COLEC11: variants seen among roughly 807,000 people sequenced by gnomAD.
COLEC11 encodes collectin-11.
COLEC11 carries 20 observed loss-of-function variants against 27.3 expected under a neutral mutation model. The ratio of observed to expected loss-of-function variants is 0.73; its 90% CI spans 0.51 to 1.06. The LOEUF (loss-of-function observed/expected upper bound fraction) is 1.06. Ranked by LOEUF, COLEC11 falls within the 50% of genes least tolerant of loss-of-function variation. COLEC11 has a pLI of 0.00. For synonymous variants in COLEC11, 163 were observed against 154.7 expected, an observed-to-expected ratio of 1.05 and a Z score of -0.40; for missense variants, 310 against 383.0, an observed-to-expected ratio of 0.81 and a Z score of 1.59.
At position 3,628,214 on chromosome 2, in the gene COLEC11, G is replaced by A. The variant is rs553383285; in HGVS notation, c.203-9319G>A. ...GGGTGATCCCAGTCTATGGCCAAGG[G>A]CCCCCCATCTGTGTCATCCTCCCTT... On this transcript the variant is annotated intron_variant, in intron 3 of 6. Coordinates refer to ENST00000349077, the MANE Select transcript of COLEC11 (RefSeq NM_024027.5). Among the ~76,000 whole-genome samples the A allele has an allele frequency of 2.4e-3, 360 of 147,980 alleles. 1 individual carries two copies. Among genetic ancestry groups the A allele is most frequent in the Non-Finnish European group, 3.6e-3 (242 of 66,574 alleles).
At chr2:3,640,005 G>C (rs925761844) in intron 4 of COLEC11, among the ~76,000 whole-genome samples, 6 of 152,216 alleles carry the variant, frequency 3.9e-5, no homozygotes, top group Non-Finnish European at 8.8e-5. Context: ...GATGTCTGCA[G>C]AGTGTTCTAT....
chr2:3,612,906 C>T (rs1050497545), intron 2 of COLEC11, among the ~76,000 whole-genome samples: 1 of 152,062 alleles, frequency 6.6e-6, no homozygotes, highest in African/African-American at 2.4e-5. Flanking sequence ...GAGTACCAAG[C>T]AGATGAAGCT....
At chr2:3,598,639 G>C (rs374427504) in intron 1 of COLEC11, among the ~76,000 whole-genome samples, 1 of 152,144 alleles carries the variant, frequency 6.6e-6, no homozygotes, top group Non-Finnish European at 1.5e-5. Context: ...TCTAATATCC[G>C]CGTGAGCACA....
Position 3,602,662 on chromosome 2 carries a change from G to A in COLEC11, c.-26-1653G>A, listed in dbSNP as rs73910598. Among the ~76,000 whole-genome samples, 4 of 151,974 alleles carry A rather than the reference G, an allele frequency of 2.6e-5. No homozygotes were observed. Among genetic ancestry groups the A allele is most frequent in the Admixed American group, 6.6e-5 (1 of 15,266 alleles). On this transcript the variant is annotated intron_variant, in intron 1 of 6. Coordinates refer to ENST00000349077, the MANE Select transcript of COLEC11 (RefSeq NM_024027.5). The surrounding 1 kb of genome is among the most constrained non-coding windows in gnomAD (Gnocchi z 6.2). Reference sequence around the variant, plus strand: ...GGGAGACCCTTTTGTAAAGCCGCTCGCTGATCCAGACCCTCTGTCTCATAC... The same window carrying A: ...GGGAGACCCTTTTGTAAAGCCGCTCACTGATCCAGACCCTCTGTCTCATAC...
At chr2:3,633,202 A>T (rs1484983683) in intron 3 of COLEC11, among the ~76,000 whole-genome samples, 1 of 152,142 alleles carries the variant, frequency 6.6e-6, no homozygotes, top group Non-Finnish European at 1.5e-5. Flanking sequence ...CAGGACCGGG[A>T]TGGTGAGGCC....
At chr2:3,604,543 G>A (rs913558257) in intron 2 of COLEC11, 73 bp downstream of exon 2, 9 of 1,522,196 alleles carry the variant, frequency 5.9e-6, no homozygotes, top group Non-Finnish European at 8.2e-6. Context: ...ATGCAACTGC[G>A]CAGTTCCACG....
At chr2:3,613,183 G>A in intron 2 of COLEC11, 128 bp from the exon 3 acceptor site, 1 of 959,682 alleles carries the variant, frequency 1.0e-6, no homozygotes, top group Non-Finnish European at 1.6e-6. Context: ...AGGGAGGTAG[G>A]GAGAGAAGGG....
rs571979432 is a variant in COLEC11 at position 3,612,777 on chromosome 2, C to T, written c.131-534C>T. ...CTGCTGAGCCTTGGAAGTGGGTGGACGTGCCCACCTGGTCACAGGCAGCCC... is the reference window on the plus strand; with the variant it reads ...CTGCTGAGCCTTGGAAGTGGGTGGATGTGCCCACCTGGTCACAGGCAGCCC... On this transcript the variant is annotated intron_variant, in intron 2 of 6. Transcript: ENST00000349077. Among the ~76,000 whole-genome samples, 18 of 152,256 alleles carry T rather than the reference C, an allele frequency of 1.2e-4. No individual in the cohort carries two copies. In the South Asian group the frequency reaches 2.7e-3, roughly 23 times the overall value.
chr2:3,603,520 T>C, intron 1 of COLEC11: 2 of 813,010 alleles, frequency 2.5e-6, no homozygotes, highest in South Asian at 1.5e-5. Context: ...TTTCACCATG[T>C]TGTCCAGACT....
At position 3,643,736 on chromosome 2, in the gene COLEC11, G is replaced by T. The variant is rs767118530; in HGVS notation, c.434G>T (p.Gly145Val). The T allele has an allele frequency of 6.0e-5, 97 of 1,613,554 alleles. No individual in the cohort carries two copies. The highest frequency in any genetic ancestry group is 9.3e-5 in the African/African-American group (7 of 74,952). The change falls in exon 7 of 7, where the codon GGT becomes GTT. Residue 145 changes from glycine to valine, a missense_variant. Physicochemically the swap from Gly to Val is moderately radical, Grantham distance 109. Coordinates refer to ENST00000349077, the MANE Select transcript of COLEC11 (RefSeq NM_024027.5). ...CTGCCTTACCCCACAGCTGTCGCCG[G>T]TGTGCGCGAGACGGAGAGCAAGATC... ...ELKFIKNAVAGVRETESKIYL... is the reference protein window; with the variant it reads ...ELKFIKNAVAVVRETESKIYL...
At chr2:3,611,615 A>C (rs886613290) in intron 2 of COLEC11, among the ~76,000 whole-genome samples, 7 of 152,250 alleles carry the variant, frequency 4.6e-5, no homozygotes, top group African/African-American at 1.7e-4. Context: ...TTGGAGCCTC[A>C]GAGCAGCATG....
At chr2:3,631,340 T>A (rs1664980584) in intron 3 of COLEC11, among the ~76,000 whole-genome samples, 1 of 152,246 alleles carries the variant, frequency 6.6e-6, no homozygotes, top group South Asian at 2.1e-4. Context: ...AACAGGTTTT[T>A]TGGATGCTCA....
intron 1 of COLEC11, chr2:3,604,028 C>CATTA: frequency 1.8e-6 from 1 of 571,230 alleles, no homozygotes. Context: ...TCCCAGAGAT[C>CATTA]AGATCGAACT....
chr2:3,628,377 T>C (rs55835321), intron 3 of COLEC11, among the ~76,000 whole-genome samples: 20,090 of 152,300 alleles, frequency 0.13, 1,539 homozygotes, highest in East Asian at 0.32. Context: ...CCAGGGGCTC[T>C]CATTTAAATG....
intron 3 of COLEC11, among the ~76,000 whole-genome samples, chr2:3,636,418 G>A (rs977721656): frequency 4.7e-4 from 71 of 152,166 alleles, no homozygotes; most frequent in African/African-American, 1.6e-3. Context: ...TTGCGCCACT[G>A]CACTCCAGCC....
At position 3,617,681 on chromosome 2, in the gene COLEC11, A is replaced by G. The variant is rs574831540; in HGVS notation, c.202+4299A>G. On this transcript the variant is annotated intron_variant, in intron 3 of 6. Transcript: ENST00000349077. ...CTCAGCCATATCGGGTTTGTCAGAC[A>G]TGGTTGTGGAGGAAAAGCGGAGCGA... The G allele has an allele frequency of 2.7e-4, 433 of 1,611,618 alleles. No individual in the cohort carries two copies. The African/African-American group carries it at 5.5e-3, about 20-fold the overall frequency.
chr2:3,642,537 C>A (rs934232427), intron 5 of COLEC11, among the ~76,000 whole-genome samples: 6 of 152,172 alleles, frequency 3.9e-5, no homozygotes, highest in African/African-American at 1.4e-4. Context: ...TCCCTTTCAC[C>A]ACCGTTTCAA....
In COLEC11 at chr2:3,607,063, C is replaced by T. The variant is rs540554801; in HGVS notation, c.130+2593C>T. On this transcript the variant is annotated intron_variant, in intron 2 of 6. Transcript: ENST00000349077. ...GTGGCATCTGGTCTGAGAAACACAG[C>T]ACGCGCCGCCCCCCCAACCCCCACA... 9.1e-4 allele frequency among the ~76,000 whole-genome samples: 139 copies of T among 152,314 alleles called. 1 individual carries two copies. Among genetic ancestry groups the T allele is most frequent in the African/African-American group, 3.3e-3 (136 of 41,584 alleles).
chr2:3,595,511 G>A (rs764949969), intron 1 of COLEC11, among the ~76,000 whole-genome samples: 2 of 152,356 alleles, frequency 1.3e-5, no homozygotes, highest in Non-Finnish European at 2.9e-5. Context: ...AAACCGCAGT[G>A]CAGTACCTGG....
Sources: allele counts gnomAD v4.1 joint callset (sites outside exome capture counted in the v4.1 genomes callset), GRCh38; gene constraint gnomAD v4.1.1; non-coding constraint Gnocchi (gnomAD v3.1); transcripts MANE v1.5; gene names NCBI Gene and HGNC (gene_info 2026-07-23, HGNC 2026-07-21).